Variants in MARCHF11 observed in about 807,000 individuals in gnomAD.
MARCHF11 encodes membrane associated ring-CH-type finger 11, also known as E3 ubiquitin-protein ligase MARCHF11.
In MARCHF11, 29 loss-of-function variants were observed where a neutral mutation model predicts 37.3. The ratio of observed to expected loss-of-function variants is 0.78; its 90% CI spans 0.58 to 1.06. The LOEUF is 1.06. MARCHF11 is among the 50% of genes least tolerant of loss of function. The probability of loss-of-function intolerance (pLI) is 0.00; values close to 1 mark genes in which losing one functional copy is unlikely to be tolerated. For synonymous variants in MARCHF11, 233 were observed against 228.0 expected (o/e 1.02, Z -0.20); for missense variants, 482 against 533.4 (o/e 0.90, Z 0.95).
rs1490551407 is a variant in MARCHF11, at chr5:16,177,706, T to A, written c.693+20A>T. The A allele has an allele frequency of 1.9e-6, 3 of 1,584,314 alleles. No individual in the cohort carries two copies. Among genetic ancestry groups the A allele is most frequent in the Admixed American group, 1.8e-5 (1 of 55,028 alleles). ...GTTAACAAAATTATTTCAGGAAAAA[T>A]AAATGTTGAAACTGCTTACCTGGCA... On this transcript the variant is annotated intron_variant, in intron 2 of 3. Transcript: ENST00000332432.
intron 2 of MARCHF11, among the ~76,000 whole-genome samples, chr5:16,147,760 T>C (rs1370410496): frequency 6.6e-6 from 1 of 152,176 alleles, no homozygotes; most frequent in Non-Finnish European, 1.5e-5. Flanking sequence ...CTGTATAGCA[T>C]ACGTAGCAAT....
chr5:16,178,092 T>C (rs1751397280), intron 1 of MARCHF11, among the ~76,000 whole-genome samples: 1 of 152,252 alleles, frequency 6.6e-6, no homozygotes, highest in Admixed American at 6.5e-5. Flanking sequence ...ATGACATAAA[T>C]GTTCTACCAA....
intron 3 of MARCHF11, among the ~76,000 whole-genome samples, chr5:16,070,663 A>T (rs886536217): frequency 7.9e-5 from 12 of 152,168 alleles, no homozygotes; most frequent in South Asian, 2.1e-4. Flanking sequence ...TAAATACATA[A>T]ATCTAACCAA....
intron 2 of MARCHF11, among the ~76,000 whole-genome samples, chr5:16,152,092 G>A (rs567161927): frequency 5.3e-5 from 8 of 151,974 alleles, no homozygotes; most frequent in East Asian, 3.9e-4. Flanking sequence ...CATTAAGAAC[G>A]AAAAGGTTTT....
At chr5:16,172,121 C>G (rs1241997340) in intron 2 of MARCHF11, among the ~76,000 whole-genome samples, 1 of 152,148 alleles carries the variant, frequency 6.6e-6, no homozygotes, top group Non-Finnish European at 1.5e-5. Flanking sequence ...TCAGAACCAT[C>G]TGGCTTAGGA....
chr5:16,119,655 T>TTAA (rs1553995955), intron 2 of MARCHF11, among the ~76,000 whole-genome samples: 99 of 151,302 alleles, frequency 6.5e-4, no homozygotes, highest in African/African-American at 2.0e-3. Flanking sequence ...TTAAGATGTT[T>TTAA]AAAAAAAAAT....
intron 2 of MARCHF11, among the ~76,000 whole-genome samples, chr5:16,098,974 A>T (rs1025699606): frequency 4.6e-5 from 7 of 152,154 alleles, no homozygotes; most frequent in South Asian, 2.1e-4. Context: ...TTATTTTTTT[A>T]AAAGTTGGCA....
intron 3 of MARCHF11, among the ~76,000 whole-genome samples, chr5:16,068,886 G>A (rs1389644023): frequency 6.6e-6 from 1 of 152,176 alleles, no homozygotes; most frequent in Non-Finnish European, 1.5e-5. Flanking sequence ...GATGAAGTAC[G>A]GCATGTGAGC....
rs146251875 is a variant in MARCHF11, at chr5:16,134,977, TTCTC to T, written c.693+42745_693+42748del. 3.5e-5 allele frequency among the ~76,000 whole-genome samples: 5 copies of T among 143,034 alleles called. No homozygotes were observed. In the South Asian group the frequency reaches 7.0e-4, roughly 20 times the overall value. The allele number at this position is 143,034 out of a possible 152,430, so 93.8% of individuals were successfully genotyped here. ...CTATACCTGCAGGATTATGAGTGAT[TTCTC>T]TCTCTCTCTCTCTCTCTCACACACA... On this transcript the variant is annotated intron_variant, in intron 2 of 3. Coordinates refer to ENST00000332432, the MANE Select transcript of MARCHF11 (RefSeq NM_001102562.3).
rs200995488 is a variant in MARCHF11 at position 16,090,858 on chromosome 5, A to G, written c.886+31T>C. The G allele has an allele frequency of 1.4e-4, 194 of 1,421,848 alleles. 1 individual carries two copies. In the African/African-American group the frequency reaches 2.6e-3, roughly 19 times the overall value. 88.1% of individuals were successfully genotyped at this position (1,421,848 alleles called of 1,614,324 possible). A position where few individuals can be genotyped will look rare whatever the true frequency, so the allele number is the denominator to read the frequency against. The stretch of plus-strand genomic sequence containing the variant: ...TCGCTGAAAGAAATGGATTACTGAC[A>G]GTGTGTTAACGTTGAAGGTCATGGT... On this transcript the variant is annotated intron_variant, in intron 3 of 3. Transcript: ENST00000332432.
In MARCHF11 at chr5:16,070,088, T is replaced by C. The variant is rs112360786; in HGVS notation, c.887-2295A>G. ...TCATCATAACAATTTCAAATAATTG[T>C]TTTTATCAACTTCTTTTTTCAAAGG... On this transcript the variant is annotated intron_variant, in intron 3 of 3. Coordinates refer to ENST00000332432, the MANE Select transcript of MARCHF11 (RefSeq NM_001102562.3). 4.0e-3 allele frequency among the ~76,000 whole-genome samples: 604 copies of C among 152,312 alleles called. 5 individuals carry two copies. The highest frequency in any genetic ancestry group is 5.8e-3 in the Non-Finnish European group (395 of 68,038).
At chr5:16,146,052 C>A (rs1737790601) in intron 2 of MARCHF11, among the ~76,000 whole-genome samples, 1 of 152,096 alleles carries the variant, frequency 6.6e-6, no homozygotes, top group Admixed American at 6.6e-5. Context: ...TAGGGAACAC[C>A]TTAAACCAAA....
chr5:16,099,860 A>G (rs780465136), intron 2 of MARCHF11, among the ~76,000 whole-genome samples: 2 of 152,178 alleles, frequency 1.3e-5, no homozygotes, highest in Non-Finnish European at 2.9e-5. Context: ...CTTGAACTCA[A>G]TCATGCCACG....
At chr5:16,068,001 C>T (rs1736377836) in intron 3 of MARCHF11, among the ~76,000 whole-genome samples, 1 of 152,174 alleles carries the variant, frequency 6.6e-6, no homozygotes, top group Non-Finnish European at 1.5e-5. Context: ...AATGAGAATA[C>T]ACTAATATGT....
Position 16,155,079 on chromosome 5 carries a change from T to C in MARCHF11, c.693+22647A>G, listed in dbSNP as rs73044686. Among the ~76,000 whole-genome samples the C allele has an allele frequency of 8.5e-3, 1,290 of 151,994 alleles. 25 individuals carry two copies. Among genetic ancestry groups the C allele is most frequent in the African/African-American group, 0.029 (1,215 of 41,518 alleles). ...AAAATGAGAAACTATCTAATGTTCC[T>C]AACTAGGAAAACTGTTAGATAACTG... is the stretch of plus-strand genomic sequence containing the variant. On this transcript the variant is annotated intron_variant, in intron 2 of 3. Coordinates refer to ENST00000332432, the MANE Select transcript of MARCHF11 (RefSeq NM_001102562.3).
intron 2 of MARCHF11, among the ~76,000 whole-genome samples, chr5:16,122,840 C>T (rs1737334264): frequency 6.6e-6 from 1 of 152,198 alleles, no homozygotes; most frequent in Non-Finnish European, 1.5e-5. Context: ...TAAAAACCAT[C>T]AGACCCCACA....
intron 2 of MARCHF11, among the ~76,000 whole-genome samples, chr5:16,164,964 A>C (rs1485888684): frequency 6.6e-6 from 1 of 151,990 alleles, no homozygotes; most frequent in Non-Finnish European, 1.5e-5. Context: ...GAGACTCTCC[A>C]ATAACTTCCC....
At chr5:16,083,668 T>C (rs77455130) in intron 3 of MARCHF11, among the ~76,000 whole-genome samples, 4,129 of 152,300 alleles carry the variant, frequency 0.027, 171 homozygotes, top group African/African-American at 0.094. Context: ...TAAGAAATCA[T>C]TGTCAACTCC....
intron 2 of MARCHF11, among the ~76,000 whole-genome samples, chr5:16,128,595 C>CT (rs1737459715): frequency 6.6e-6 from 1 of 152,218 alleles, no homozygotes. Context: ...TTCATTACCA[C>CT]TTACGTGATT....
Sources: gnomAD v4.1 joint callset for allele counts (sites outside exome capture counted in the v4.1 genomes callset) on GRCh38, gnomAD v4.1.1 for gene constraint, MANE v1.5 for transcripts, NCBI Gene and HGNC (gene_info 2026-07-23, HGNC 2026-07-21) for gene names.